RASAL2: variants seen among roughly 807,000 people sequenced by gnomAD.
The protein encoded by RASAL2 is ras GTPase-activating protein nGAP.
A neutral mutation model predicts 128.9 loss-of-function variants in RASAL2; 58 were observed. The observed-to-expected ratio is 0.45, with a 90% CI of 0.36 to 0.56. The LOEUF (loss-of-function observed/expected upper bound fraction) is 0.56. Among genes scored for constraint, RASAL2 ranks in the 20% least tolerant of loss-of-function variants. RASAL2 has a pLI of 0.00. For missense variants in RASAL2, 1,360 were observed against 1,601.6 expected, an observed-to-expected ratio of 0.85 and a Z score of 2.57; for synonymous variants, 561 against 580.8, an observed-to-expected ratio of 0.97 and a Z score of 0.49.
rs1210523871 is a variant in RASAL2 at position 178,466,111 on chromosome 1, C to T, written c.3579C>T (p.Ser1193=). Residue 1193 remains serine, a synonymous_variant, in exon 16 of 18, where the codon AGC becomes AGT. Coordinates refer to ENST00000367649, the MANE Select transcript of RASAL2 (RefSeq NM_170692.4). ...QQEEKDSQMK[S]IISRLMAVEE... ...AAGAAAAAGATAGCCAGATGAAAAG[C>T]ATCATCAGCAGGTTAGACATCACCT... 6.4e-7 allele frequency: 1 copy of T among 1,560,122 alleles called. No homozygotes were observed. Among genetic ancestry groups the T allele is most frequent in the Non-Finnish European group, 8.7e-7 (1 of 1,151,674 alleles).
intron 3 of RASAL2, among the ~76,000 whole-genome samples, chr1:178,347,960 T>C (rs1028950706): frequency 9.9e-5 from 15 of 152,244 alleles, no homozygotes; most frequent in African/African-American, 2.9e-4. Flanking sequence ...TGGAATTCTA[T>C]ACAGCAATGA....
intron 3 of RASAL2, among the ~76,000 whole-genome samples, chr1:178,388,983 G>C (rs780126175): frequency 6.6e-6 from 1 of 152,114 alleles, no homozygotes; most frequent in Non-Finnish European, 1.5e-5. Context: ...GAGGGAGGGG[G>C]AAGAGCAAGA....
At chr1:178,138,414 A>G (rs966930815) in intron 1 of RASAL2, among the ~76,000 whole-genome samples, 1 of 152,186 alleles carries the variant, frequency 6.6e-6, no homozygotes, top group African/African-American at 2.4e-5. Flanking sequence ...TACATAAAGT[A>G]CTTTTTCAGA....
intron 1 of RASAL2, among the ~76,000 whole-genome samples, chr1:178,268,817 A>C (rs1183878432): frequency 6.6e-6 from 1 of 152,188 alleles, no homozygotes; most frequent in Non-Finnish European, 1.5e-5. Context: ...GACAGCCTTC[A>C]GCCTGCCAGT....
At chr1:178,375,886 C>G (rs1318721797) in intron 3 of RASAL2, among the ~76,000 whole-genome samples, 2 of 151,912 alleles carry the variant, frequency 1.3e-5, no homozygotes, top group African/African-American at 4.8e-5. Context: ...ACAGAAAAAA[C>G]AGTTTTGGTA....
chr1:178,096,490 G>GTA (rs1553249687), intron 1 of RASAL2, among the ~76,000 whole-genome samples: 4 of 145,614 alleles, frequency 2.7e-5, no homozygotes, highest in South Asian at 2.2e-4. Context: ...GTGTGTGTAA[G>GTA]AGAGAGAGAG....
At chr1:178,145,172 T>G (rs918470082) in intron 1 of RASAL2, among the ~76,000 whole-genome samples, 5 of 152,160 alleles carry the variant, frequency 3.3e-5, no homozygotes, top group African/African-American at 1.2e-4. Flanking sequence ...CTGTAATACT[T>G]AAGTTTAGAA....
chr1:178,195,501 A>G (rs2101955524), intron 1 of RASAL2, among the ~76,000 whole-genome samples: 1 of 152,310 alleles, frequency 6.6e-6, no homozygotes, highest in Middle Eastern at 3.4e-3. Context: ...AAGCCACACA[A>G]TAGAATGAAG....
intron 3 of RASAL2, among the ~76,000 whole-genome samples, chr1:178,314,706 G>C (rs1668418087): frequency 6.6e-6 from 1 of 152,050 alleles, no homozygotes; most frequent in Admixed American, 6.6e-5. Context: ...TTCAATACTA[G>C]TTGTAACATC....
At chr1:178,120,516 C>A (rs573634587) in intron 1 of RASAL2, among the ~76,000 whole-genome samples, 48 of 152,310 alleles carry the variant, frequency 3.2e-4, no homozygotes, top group African/African-American at 1.1e-3. Context: ...CAGATTCTGA[C>A]TTAAAGCCTT....
intron 3 of RASAL2, among the ~76,000 whole-genome samples, chr1:178,306,684 C>G (rs1038534699): frequency 6.6e-6 from 1 of 151,904 alleles, no homozygotes; most frequent in Non-Finnish European, 1.5e-5. Context: ...TTTTTGGCTG[C>G]GTAAGTGTCT....
chr1:178,152,827 T>C (rs1174312887), intron 1 of RASAL2, among the ~76,000 whole-genome samples: 1 of 152,238 alleles, frequency 6.6e-6, no homozygotes, highest in African/African-American at 2.4e-5. Flanking sequence ...ACCTGTTTAC[T>C]TTCCAGTCAC....
chr1:178,183,322 A>T (rs900116127), intron 1 of RASAL2, among the ~76,000 whole-genome samples: 1 of 152,200 alleles, frequency 6.6e-6, no homozygotes, highest in Non-Finnish European at 1.5e-5. Context: ...CAGACCTCCT[A>T]AAGAATTTAT....
In RASAL2 at chr1:178,297,540, G is replaced by A. The variant is rs1170553623; in HGVS notation, c.331-2452G>A. On this transcript the variant is annotated intron_variant, in intron 2 of 17. Coordinates refer to ENST00000367649, the MANE Select transcript of RASAL2 (RefSeq NM_170692.4). Reference sequence around the variant, plus strand: ...GAGAATCGCTTGAACTTGGGAGGCGGAGGTTGCAGTGAGCCAAAATCACAC... The same window carrying A: ...GAGAATCGCTTGAACTTGGGAGGCGAAGGTTGCAGTGAGCCAAAATCACAC... Among the ~76,000 whole-genome samples, 5 of 148,654 alleles carry A rather than the reference G, an allele frequency of 3.4e-5. No homozygotes were observed. In the South Asian group the frequency reaches 1.1e-3, roughly 32 times the overall value.
intron 17 of RASAL2, among the ~76,000 whole-genome samples, chr1:178,471,970 T>A (rs1648313819): frequency 6.6e-6 from 1 of 152,208 alleles, no homozygotes; most frequent in Non-Finnish European, 1.5e-5. Flanking sequence ...GTAGTAAAAC[T>A]CCTTTTGGCT....
intron 1 of RASAL2, among the ~76,000 whole-genome samples, chr1:178,207,369 A>C (rs1039422544): frequency 3.9e-5 from 6 of 152,216 alleles, no homozygotes. Flanking sequence ...TAATAATAAC[A>C]ATAAAAATAA....
intron 1 of RASAL2, among the ~76,000 whole-genome samples, chr1:178,159,991 C>G (rs551838253): frequency 1.3e-5 from 2 of 151,198 alleles, no homozygotes; most frequent in East Asian, 3.9e-4. Flanking sequence ...TTTAAATTTC[C>G]AGTCAGCCTC....
chr1:178,456,913 A>C lies in RASAL2; in HGVS notation c.2390+14A>C. 1 of 1,607,614 alleles carries C rather than the reference A, an allele frequency of 6.2e-7. No homozygotes were observed. The highest frequency in any genetic ancestry group is 8.5e-7 in the Non-Finnish European group (1 of 1,175,434). ...CCCCACTGACAGGTATGAAAGAGAGAATTTGACCACTATCTCGGAGAAACA... is the reference window on the plus strand; with the variant it reads ...CCCCACTGACAGGTATGAAAGAGAGCATTTGACCACTATCTCGGAGAAACA... On this transcript the variant is annotated intron_variant, in intron 13 of 17. Transcript: ENST00000367649.
chr1:178,363,582 C>T (rs1300637210), intron 3 of RASAL2, among the ~76,000 whole-genome samples: 6 of 152,030 alleles, frequency 3.9e-5, no homozygotes, highest in Admixed American at 6.5e-5. Context: ...GTAAATTTGT[C>T]GAAGCATTAA....
Sources: allele counts gnomAD v4.1 joint callset (sites outside exome capture counted in the v4.1 genomes callset), GRCh38; gene constraint gnomAD v4.1.1; transcripts MANE v1.5; gene names NCBI Gene and HGNC (gene_info 2026-07-23, HGNC 2026-07-21).